The following EYA2 variants were observed in gnomAD, a reference collection of about 807,000 sequenced individuals.
EYA2 encodes the protein protein phosphatase EYA2.
A neutral mutation model predicts 69.2 loss-of-function variants in EYA2; 31 were observed. The observed-to-expected ratio is 0.45, with a 90% CI of 0.34 to 0.60. The LOEUF (loss-of-function observed/expected upper bound fraction) is 0.60, where lower values mean the gene tolerates loss of function less well. Among genes scored for constraint, EYA2 ranks in the 20% least tolerant of loss-of-function variants. EYA2 has a pLI of 0.02. For missense variants in EYA2, 622 were observed against 701.2 expected (o/e 0.89, Z 1.28); for synonymous variants, 257 against 279.4 (o/e 0.92, Z 0.80).
At chr20:47,004,652 C>T (rs139270191) in intron 3 of EYA2, among the ~76,000 whole-genome samples, 9 of 152,212 alleles carry the variant, frequency 5.9e-5, no homozygotes, top group East Asian at 1.9e-4. Flanking sequence ...AGGAGGGTTG[C>T]GGGGGATGTG....
intron 1 of EYA2, among the ~76,000 whole-genome samples, chr20:46,899,606 G>A (rs185952662): frequency 1.1e-4 from 16 of 152,330 alleles, no homozygotes; most frequent in African/African-American, 3.6e-4. Flanking sequence ...CGCTATGGGT[G>A]GGTGTTGTTT....
chr20:47,031,377 A>C (rs997119432), intron 5 of EYA2, among the ~76,000 whole-genome samples: 1 of 152,226 alleles, frequency 6.6e-6, no homozygotes, highest in Non-Finnish European at 1.5e-5. Context: ...TTTGCATCTC[A>C]GAAAGACCAG....
chr20:47,163,014 G>C (rs1180311015), intron 10 of EYA2, among the ~76,000 whole-genome samples: 1 of 149,892 alleles, frequency 6.7e-6, no homozygotes, highest in Non-Finnish European at 1.5e-5. Context: ...TATATACATG[G>C]CATCATACTG....
At chr20:46,930,730 T>C (rs1181487908) in intron 1 of EYA2, among the ~76,000 whole-genome samples, 2 of 152,248 alleles carry the variant, frequency 1.3e-5, no homozygotes, top group Non-Finnish European at 2.9e-5. Context: ...GAGACACTTA[T>C]GTTCCTTTCT....
At position 47,172,126 on chromosome 20, in the gene EYA2, T is replaced by G. The variant is rs553962643; in HGVS notation, c.1038-581T>G. ...AATAAATAAAAAAAAATAAAAAAAA[T>G]AAAAAAATAAAAAGTCAAAATAAGG... On this transcript the variant is annotated intron_variant, in intron 11 of 15. Transcript: ENST00000327619. Among the ~76,000 whole-genome samples the G allele has an allele frequency of 5.5e-5, 8 of 146,066 alleles. No individual in the cohort carries two copies. The East Asian group carries it at 1.5e-3, about 27-fold the overall frequency.
intron 1 of EYA2, among the ~76,000 whole-genome samples, chr20:46,937,133 C>T (rs566855240): frequency 2.6e-5 from 4 of 152,104 alleles, no homozygotes; most frequent in South Asian, 2.1e-4. Context: ...AAAGTACAGA[C>T]GTATCTAGCT....
At chr20:46,983,823 A>G (rs1980999060) in intron 1 of EYA2, among the ~76,000 whole-genome samples, 1 of 152,192 alleles carries the variant, frequency 6.6e-6, no homozygotes, top group Admixed American at 6.5e-5. Flanking sequence ...TAAACTGGCA[A>G]GTGTCTTGAG....
At chr20:46,910,136 G>C (rs1400653099) in intron 1 of EYA2, among the ~76,000 whole-genome samples, 1 of 152,188 alleles carries the variant, frequency 6.6e-6, no homozygotes, top group Non-Finnish European at 1.5e-5. Context: ...GCAAAGAAAA[G>C]AGTTTTAATT....
At chr20:47,069,111 G>A (rs2031218441) in intron 5 of EYA2, among the ~76,000 whole-genome samples, 1 of 152,178 alleles carries the variant, frequency 6.6e-6, no homozygotes, top group African/African-American at 2.4e-5. Flanking sequence ...CCCAGATGGT[G>A]TTTAGTAGAA....
intron 5 of EYA2, among the ~76,000 whole-genome samples, chr20:47,041,311 G>A (rs906964945): frequency 5.3e-5 from 8 of 152,180 alleles, no homozygotes; most frequent in South Asian, 2.1e-4. Context: ...ATTTTGAATA[G>A]TGAATACCTG....
At chr20:47,071,752 C>A in intron 5 of EYA2, 1 of 170,018 alleles carries the variant, frequency 5.9e-6, no homozygotes, top group Non-Finnish European at 1.3e-5. Flanking sequence ...GTCACAGGTT[C>A]CATCCCAGCC....
At position 47,163,219 on chromosome 20, in the gene EYA2, C is replaced by T. The variant is rs571624845; in HGVS notation, c.979-5920C>T. ...TAACTTTTTGTATTTTTAATAGAGA[C>T]AGGGTTTCACTATGTTGGCCAGGCT... On this transcript the variant is annotated intron_variant, in intron 10 of 15. Transcript: ENST00000327619. Among the ~76,000 whole-genome samples the T allele has an allele frequency of 1.6e-3, 248 of 152,056 alleles. 1 individual carries two copies. Among genetic ancestry groups the T allele is most frequent in the Non-Finnish European group, 2.3e-3 (153 of 67,974 alleles).
Position 46,987,964 on chromosome 20 carries a change from CTATATATATA to C in EYA2, c.-10-2013_-10-2004del, listed in dbSNP as rs71183225. 2.1e-3 allele frequency among the ~76,000 whole-genome samples: 24 copies of C among 11,278 alleles called. 4 individuals are homozygous for C. In the South Asian group the frequency reaches 0.038, roughly 18 times the overall value. 7.4% of individuals were successfully genotyped at this position (11,278 alleles called of 152,430 possible). On this transcript the variant is annotated intron_variant, in intron 1 of 15. Coordinates refer to ENST00000327619, the MANE Select transcript of EYA2 (RefSeq NM_005244.5). ...TCTCTCTCTCTCTCTCTCTCTCTCT[CTATATATATA>C]TATATATATATATATATATATATGG...
rs1467580704 is a variant in EYA2, at chr20:46,911,451, T to G, written c.-11+16464T>G. On this transcript the variant is annotated intron_variant, in intron 1 of 15. Coordinates refer to ENST00000327619, the MANE Select transcript of EYA2 (RefSeq NM_005244.5). ...CAGCATTGGCAGTAGAGGTTATGAG[T>G]TGGCTGATTTTTGATTTAGTCCTAA... 2.0e-5 allele frequency among the ~76,000 whole-genome samples: 3 copies of G among 152,132 alleles called. No homozygotes were observed. The East Asian group carries it at 5.8e-4, about 29-fold the overall frequency.
At position 46,903,349 on chromosome 20, in the gene EYA2, C is replaced by T. The variant is rs1038625316; in HGVS notation, c.-11+8362C>T. Among the ~76,000 whole-genome samples the T allele has an allele frequency of 3.9e-5, 6 of 152,200 alleles. No individual in the cohort carries two copies. In the East Asian group the frequency reaches 7.7e-4, roughly 20 times the overall value. On this transcript the variant is annotated intron_variant, in intron 1 of 15. Coordinates refer to ENST00000327619, the MANE Select transcript of EYA2 (RefSeq NM_005244.5). ...TATGCCTGGTTCAGTAAGAGCAGTG[C>T]CTCGGCTTCTGCACCTGAAACCGCA...
intron 1 of EYA2, among the ~76,000 whole-genome samples, chr20:46,935,774 T>C (rs1021121857): frequency 6.6e-6 from 1 of 152,120 alleles, no homozygotes; most frequent in East Asian, 1.9e-4. Flanking sequence ...ATTATTATTA[T>C]GTATTTGTAA....
intron 11 of EYA2, among the ~76,000 whole-genome samples, chr20:47,172,111 A>T (rs905656664): frequency 7.1e-6 from 1 of 140,358 alleles, no homozygotes; most frequent in African/African-American, 2.8e-5. Flanking sequence ...AATAAATAAA[A>T]AAAAATAAAA....
intron 5 of EYA2, among the ~76,000 whole-genome samples, chr20:47,019,784 A>G (rs1226630072): frequency 6.7e-6 from 1 of 148,834 alleles, no homozygotes; most frequent in Non-Finnish European, 1.5e-5. Context: ...AGCCTGGGAA[A>G]CCTGGTGAAA....
intron 1 of EYA2, among the ~76,000 whole-genome samples, chr20:46,970,144 A>G (rs11699842): frequency 0.35 from 53,286 of 152,112 alleles, 10,837 homozygotes; most frequent in Non-Finnish European, 0.46. Flanking sequence ...TTGGTGAAGA[A>G]TCAGTTCTCA....
Sources: gnomAD v4.1 joint callset for allele counts (sites outside exome capture counted in the v4.1 genomes callset) on GRCh38, gnomAD v4.1.1 for gene constraint, MANE v1.5 for transcripts, NCBI Gene and HGNC (gene_info 2026-07-23, HGNC 2026-07-21) for gene names.